ROS1: variants seen among roughly 807,000 people sequenced by gnomAD.
The protein encoded by ROS1 is ROS proto-oncogene 1, receptor tyrosine kinase.
A neutral mutation model predicts 273.5 loss-of-function variants in ROS1; 263 were observed. The ratio of observed to expected loss-of-function variants is 0.96; its 90% CI spans 0.87 to 1.06. The LOEUF is 1.06. ROS1 is among the 50% of genes least tolerant of loss of function. The probability of loss-of-function intolerance (pLI) is 0.00; values close to 1 mark genes in which losing one functional copy is unlikely to be tolerated. For missense variants in ROS1, 2,833 were observed against 2,751.1 expected, an observed-to-expected ratio of 1.03 and a Z score of -0.67; for synonymous variants, 1,008 against 954.1, an observed-to-expected ratio of 1.06 and a Z score of -1.04.
chr6:117,330,554 C>T (rs1366820008), intron 32 of ROS1, among the ~76,000 whole-genome samples: 1 of 152,222 alleles, frequency 6.6e-6, no homozygotes, highest in African/African-American at 2.4e-5. Context: ...ACACCCTATA[C>T]AGGAGCGATC....
At chr6:117,321,161 C>A (rs559549015) in intron 36 of ROS1, 98 bp downstream of exon 36, 2 of 1,306,006 alleles carry the variant, frequency 1.5e-6, no homozygotes, top group Non-Finnish European at 2.1e-6. Flanking sequence ...CTGGTATAAA[C>A]CATGACTGTC....
chr6:117,389,689 CA>C lies in ROS1; in HGVS notation c.1446del (p.Ala483ProfsTer26). 6.2e-7 allele frequency: 1 copy of C among 1,614,162 alleles called. No homozygotes were observed. On this transcript the variant is annotated frameshift_variant, in exon 13 of 44. Transcript: ENST00000368507. LOFTEE classifies it high-confidence loss of function. ...AGAAATGTTGACATGAAGACTTGGG[CA>C]GTGTCATTGAAGTAAATGATTCGCT... ...QAKRIIYFNDTAQVFMSTFLD... is the reference protein window; with the variant it reads ...QAKRIIYFNDXAQVFMSTFLD...
intron 18 of ROS1, among the ~76,000 whole-genome samples, chr6:117,368,054 T>C (rs1238364542): frequency 6.6e-6 from 1 of 152,218 alleles, no homozygotes; most frequent in Admixed American, 6.5e-5. Flanking sequence ...TATTTCAATG[T>C]GTATCAGTTT....
intron 41 of ROS1, among the ~76,000 whole-genome samples, chr6:117,309,240 A>T (rs2128546987): frequency 6.6e-6 from 1 of 152,284 alleles, no homozygotes; most frequent in South Asian, 2.1e-4. Flanking sequence ...ATGCACACAC[A>T]GAAACAGACA....
rs373150912 is a variant in ROS1, at chr6:117,387,897, T to C, written c.1882A>G (p.Met628Val). The C allele has an allele frequency of 3.7e-6, 6 of 1,614,218 alleles. No individual in the cohort carries two copies. Among genetic ancestry groups the C allele is most frequent in the African/African-American group, 1.3e-5 (1 of 75,064 alleles). Residue 628 changes from methionine (M) to valine (V), a missense_variant, in exon 14 of 44, where the codon ATG becomes GTG. By Grantham distance (21) the Met-to-Val change is conservative. Coordinates refer to ENST00000368507, the MANE Select transcript of ROS1 (RefSeq NM_001378902.1). The part of the protein sequence containing the change: ...THIFLNISGT[M>V]LNVPELQSAM... ...CTCTGCAGCTCAGGTACATTCAGCA[T>C]GGTTCCACTTATGTTCAAGAAAATA... is the stretch of plus-strand genomic sequence containing the variant.
chr6:117,391,776 A>C (rs1773089519), intron 12 of ROS1, among the ~76,000 whole-genome samples: 1 of 152,170 alleles, frequency 6.6e-6, no homozygotes, highest in African/African-American at 2.4e-5. Flanking sequence ...GTTCCATCGC[A>C]AAACAGCTGT....
intron 18 of ROS1, among the ~76,000 whole-genome samples, chr6:117,372,323 A>G (rs9320595): frequency 0.49 from 74,204 of 152,068 alleles, 18,906 homozygotes; most frequent in African/African-American, 0.63. Context: ...GTTTGCTGAT[A>G]ACATGATCAT....
intron 33 of ROS1, among the ~76,000 whole-genome samples, chr6:117,327,108 G>A (rs907683412): frequency 8.5e-5 from 13 of 152,160 alleles, no homozygotes; most frequent in African/African-American, 1.4e-4. Context: ...TTTTCAGACC[G>A]CAATAGTTTT....
intron 18 of ROS1, among the ~76,000 whole-genome samples, chr6:117,368,538 G>T (rs527721974): frequency 8.9e-4 from 136 of 152,244 alleles, no homozygotes; most frequent in African/African-American, 3.2e-3. Flanking sequence ...GAGCCGTACT[G>T]CTCAGTGCAG....
intron 18 of ROS1, among the ~76,000 whole-genome samples, chr6:117,369,795 G>A (rs977183645): frequency 7.2e-5 from 11 of 152,104 alleles, no homozygotes; most frequent in African/African-American, 2.7e-4. Context: ...TGCCATACTT[G>A]ATATGAAGTA....
Position 117,288,528 on chromosome 6 carries a change from A to G in ROS1, c.6990T>C (p.Cys2330=), listed in dbSNP as rs565221390. The change falls in exon 44 of 44, where the codon TGT becomes TGC. Residue 2330 remains cysteine (C), a synonymous_variant. Coordinates refer to ENST00000368507, the MANE Select transcript of ROS1 (RefSeq NM_001378902.1). ...CATCTCCATATCCACTGTGAGTGAG[A>G]CAGGCATAGTTCAGGCCTTCAGGCT... ...SGKPEGLNYA[C]LTHSGYGDGS... 8 of 1,614,062 alleles carry G rather than the reference A, an allele frequency of 5.0e-6. No homozygotes were observed. In the East Asian group the frequency reaches 1.3e-4, roughly 27 times the overall value.
At chr6:117,372,734 AG>A (rs1202738508) in intron 18 of ROS1, among the ~76,000 whole-genome samples, 1 of 152,226 alleles carries the variant, frequency 6.6e-6, no homozygotes, top group Non-Finnish European at 1.5e-5. Flanking sequence ...GTAGACCTTC[AG>A]GGTAAGTGTT....
rs2128521066 is a variant in ROS1, at chr6:117,288,686, C to T, written c.6832G>A (p.Gly2278Ser). The change falls in exon 44 of 44, where the codon GGT becomes AGT. Residue 2278 changes from glycine (G) to serine (S), a missense_variant. Transcript: ENST00000368507. ...YMVLATECGQ[G>S]EEKSEGPLGS... ...AGAGGACCCTCAGACTTTTCTTCAC[C>T]TTGGCCACATTCTGTAGCAAGTACC... The T allele has an allele frequency of 1.9e-6, 3 of 1,614,148 alleles. No homozygotes were observed. Among genetic ancestry groups the T allele is most frequent in the Non-Finnish European group, 1.7e-6 (2 of 1,180,028 alleles).
intron 27 of ROS1, 131 bp downstream of exon 27, chr6:117,352,859 T>C (rs1402880025): frequency 4.0e-6 from 3 of 748,186 alleles, no homozygotes; most frequent in Non-Finnish European, 4.4e-6. Context: ...CACAGAAGAC[T>C]AGCAGAGTTT....
intron 7 of ROS1, among the ~76,000 whole-genome samples, chr6:117,398,565 G>T (rs1385217677): frequency 6.6e-6 from 1 of 151,778 alleles, no homozygotes; most frequent in African/African-American, 2.4e-5. Flanking sequence ...TGTAATCCCA[G>T]CTACCTGGGA....
In ROS1 at chr6:117,342,476, A is replaced by C; in HGVS notation, c.4575T>G (p.Ala1525=). The change falls in exon 29 of 44, where the codon GCT becomes GCG. Residue 1525 remains alanine (A), a synonymous_variant. Transcript: ENST00000368507. ...AAGGATCTGAATAATAATTTTTTAC[A>C]GCTATCTGTATCATGTATGTTGAAA... The part of the protein sequence containing the change: ...QPFSTYMIQI[A]VKNYYSDPLE... The C allele has an allele frequency of 6.2e-7, 1 of 1,606,776 alleles. No individual in the cohort carries two copies.
intron 16 of ROS1, among the ~76,000 whole-genome samples, chr6:117,384,447 G>T (rs1193376143): frequency 3.3e-5 from 5 of 152,146 alleles, no homozygotes; most frequent in African/African-American, 1.2e-4. Context: ...AAATAGCAGG[G>T]ACATGTCGGC....
chr6:117,419,577 C>G (rs1484658180), intron 1 of ROS1, among the ~76,000 whole-genome samples: 1 of 152,220 alleles, frequency 6.6e-6, no homozygotes, highest in Non-Finnish European at 1.5e-5. Flanking sequence ...AATTTTGCAA[C>G]CGAGTGCTTA....
At position 117,365,719 on chromosome 6, in the gene ROS1, CT is replaced by C; in HGVS notation, c.2819del (p.Lys940ArgfsTer31). On this transcript the variant is annotated frameshift_variant, in exon 20 of 44. Transcript: ENST00000368507. LOFTEE classifies it high-confidence loss of function. Reference sequence around the variant, plus strand: ...ACTCTTGAACAGAATCTGGAATAACCTTAGGGGTAAAGGAAAAGTTCCCTAC... The same window carrying C: ...ACTCTTGAACAGAATCTGGAATAACCTAGGGGTAAAGGAAAAGTTCCCTAC... ...PLPGNFSFTP[K>X]VIPDSVQESS... 1 of 1,583,560 alleles carries C rather than the reference CT, an allele frequency of 6.3e-7. No homozygotes were observed. The highest frequency in any genetic ancestry group is 8.5e-7 in the Non-Finnish European group (1 of 1,170,074).
Sources: gnomAD v4.1 joint callset for allele counts (sites outside exome capture counted in the v4.1 genomes callset) on GRCh38, gnomAD v4.1.1 for gene constraint, MANE v1.5 for transcripts, NCBI Gene and HGNC (gene_info 2026-07-23, HGNC 2026-07-21) for gene names.